Variants in IFTAP observed in about 807,000 individuals in gnomAD.
IFTAP encodes intraflagellar transport-associated protein.
In IFTAP, 19 loss-of-function variants were observed where a neutral mutation model predicts 19.4. The ratio of observed to expected loss-of-function variants is 0.98; its 90% confidence interval spans 0.68 to 1.44. IFTAP has a LOEUF of 1.44. IFTAP is among the 40% of genes most tolerant of loss of function. The pLI, the probability that IFTAP is intolerant of heterozygous loss-of-function variation, is 0.00. For synonymous variants in IFTAP, 85 were observed against 83.5 expected (o/e 1.02, Z -0.10); for missense variants, 240 against 253.6 (o/e 0.95, Z 0.36).
At chr11:36,608,592 A>G (rs16929138) in intron 1 of IFTAP, among the ~76,000 whole-genome samples, 14,505 of 152,270 alleles carry the variant, frequency 0.095, 846 homozygotes, top group African/African-American at 0.15. Context: ...ATGAAGTCCA[A>G]ACTGTGCTTG....
At chr11:36,619,075 T>C (rs1049221453) in intron 2 of IFTAP, among the ~76,000 whole-genome samples, 2 of 152,042 alleles carry the variant, frequency 1.3e-5, no homozygotes, top group Admixed American at 6.6e-5. Context: ...AGAGGCCAAG[T>C]GACTTCTTCA....
intron 5 of IFTAP, among the ~76,000 whole-genome samples, chr11:36,655,630 A>G (rs1464775252): frequency 1.3e-5 from 2 of 152,186 alleles, no homozygotes; most frequent in South Asian, 4.1e-4. Flanking sequence ...ACATTACAGT[A>G]TATCTCCAAA....
intron 4 of IFTAP, among the ~76,000 whole-genome samples, chr11:36,639,469 G>T (rs890025213): frequency 6.6e-6 from 1 of 152,110 alleles, no homozygotes; most frequent in Admixed American, 6.5e-5. Context: ...AATACCTGAG[G>T]CTGGGTAAAG....
At position 36,633,173 on chromosome 11, in the gene IFTAP, G is replaced by A. The variant is rs1460151053; in HGVS notation, c.137-111G>A. 12 of 1,068,830 alleles carry A rather than the reference G, an allele frequency of 1.1e-5. No homozygotes were observed. The East Asian group carries it at 1.3e-4, about 12-fold the overall frequency. 66.2% of individuals were successfully genotyped at this position (1,068,830 alleles called of 1,614,324 possible). A position where few individuals can be genotyped will look rare whatever the true frequency, so the allele number is the denominator to read the frequency against. On this transcript the variant is annotated intron_variant, in intron 2 of 5. Transcript: ENST00000334307. ...ATGCCTCAAGGGTTCGGTTTGTAGAGTTCTTTGAAAAGTATTCTTTTTCAT... is the reference window on the plus strand; with the variant it reads ...ATGCCTCAAGGGTTCGGTTTGTAGAATTCTTTGAAAAGTATTCTTTTTCAT...
intron 5 of IFTAP, among the ~76,000 whole-genome samples, chr11:36,649,340 C>T (rs1176775320): frequency 6.6e-6 from 1 of 152,130 alleles, no homozygotes. Context: ...CTGGTAGGGA[C>T]AGCCACTTTT....
chr11:36,630,321 A>G (rs1047325791), intron 2 of IFTAP, among the ~76,000 whole-genome samples: 1 of 151,480 alleles, frequency 6.6e-6, no homozygotes, highest in African/African-American at 2.5e-5. Flanking sequence ...GGGATATAGC[A>G]TATATTCTTG....
intron 4 of IFTAP, among the ~76,000 whole-genome samples, chr11:36,645,947 A>G (rs1853463883): frequency 6.6e-6 from 1 of 152,316 alleles, no homozygotes; most frequent in African/African-American, 2.4e-5. Context: ...TTCACTATGT[A>G]TAAGGTGCTA....
chr11:36,612,949 A>G (rs1426300380), intron 2 of IFTAP, among the ~76,000 whole-genome samples: 4 of 152,048 alleles, frequency 2.6e-5, no homozygotes, highest in African/African-American at 9.7e-5. Flanking sequence ...TATGTTGATT[A>G]CGTTTTGTGG....
rs191805712 is a variant in IFTAP at position 36,607,818 on chromosome 11, C to A, written c.-23-2263C>A. Among the ~76,000 whole-genome samples, 658 of 152,284 alleles carry A rather than the reference C, an allele frequency of 4.3e-3. 1 individual carries two copies. Among genetic ancestry groups the A allele is most frequent in the Non-Finnish European group, 6.9e-3 (472 of 68,026 alleles). Reference sequence around the variant, plus strand: ...CCTCCTGACTAGCTGGGATTATAGGCATGTGCCACCATGCCTGGCTAATTT... The same window carrying A: ...CCTCCTGACTAGCTGGGATTATAGGAATGTGCCACCATGCCTGGCTAATTT... On this transcript the variant is annotated intron_variant, in intron 1 of 5. Transcript: ENST00000334307.
intron 2 of IFTAP, among the ~76,000 whole-genome samples, chr11:36,632,829 G>T (rs1433199688): frequency 6.6e-6 from 1 of 151,058 alleles, no homozygotes; most frequent in Admixed American, 6.6e-5. Flanking sequence ...ATATTAGATA[G>T]CCACTGAAAA....
chr11:36,651,574 A>G (rs1253428372), intron 5 of IFTAP, among the ~76,000 whole-genome samples: 1 of 152,080 alleles, frequency 6.6e-6, no homozygotes, highest in Non-Finnish European at 1.5e-5. Context: ...CCATTTGTCA[A>G]TTTTGGCTTT....
intron 4 of IFTAP, among the ~76,000 whole-genome samples, chr11:36,636,786 G>A (rs763688607): frequency 7.9e-5 from 12 of 152,000 alleles, no homozygotes; most frequent in Admixed American, 2.0e-4. Context: ...CACATGGGCT[G>A]GATTGAAAAA....
intron 5 of IFTAP, among the ~76,000 whole-genome samples, chr11:36,651,409 T>G (rs1206082281): frequency 6.6e-6 from 1 of 152,240 alleles, no homozygotes; most frequent in Non-Finnish European, 1.5e-5. Flanking sequence ...GGTTGTTTTT[T>G]TCTTGTAAAT....
At position 36,652,823 on chromosome 11, in the gene IFTAP, A is replaced by C. The variant is rs75542258; in HGVS notation, c.498+4668A>C. Reference sequence around the variant, plus strand: ...CTATTGAGATAATCATGATTTTACCACTGGTTCTACACACATACATAATTG... The same window carrying C: ...CTATTGAGATAATCATGATTTTACCCCTGGTTCTACACACATACATAATTG... On this transcript the variant is annotated intron_variant, in intron 5 of 5. Coordinates refer to ENST00000334307, the MANE Select transcript of IFTAP (RefSeq NM_138787.4). Among the ~76,000 whole-genome samples, 586 of 151,650 alleles carry C rather than the reference A, an allele frequency of 3.9e-3. 3 individuals carry two copies. Among genetic ancestry groups the C allele is most frequent in the Non-Finnish European group, 6.3e-3 (426 of 67,768 alleles).
intron 2 of IFTAP, among the ~76,000 whole-genome samples, chr11:36,614,119 C>T (rs561611346): frequency 2.9e-3 from 424 of 148,566 alleles, no homozygotes; most frequent in African/African-American, 9.6e-3. Flanking sequence ...CTTCCTGTGT[C>T]CATGTGATCT....
intron 2 of IFTAP, among the ~76,000 whole-genome samples, chr11:36,619,386 A>C (rs903088617): frequency 7.2e-5 from 11 of 152,046 alleles, no homozygotes; most frequent in African/African-American, 2.7e-4. Flanking sequence ...TTAAATTTCC[A>C]TGAGGGTGCA....
chr11:36,624,814 C>T (rs1852447565), intron 2 of IFTAP, among the ~76,000 whole-genome samples: 1 of 151,654 alleles, frequency 6.6e-6, no homozygotes, highest in African/African-American at 2.4e-5. Context: ...AAGATAGAAG[C>T]CTGGGTCAGA....
chr11:36,629,905 A>G (rs1406569008), intron 2 of IFTAP, among the ~76,000 whole-genome samples: 1 of 151,448 alleles, frequency 6.6e-6, no homozygotes, highest in Non-Finnish European at 1.5e-5. Flanking sequence ...AAATGCCCAA[A>G]GAAACGCTTT....
At chr11:36,642,998 T>G (rs1853298932) in intron 4 of IFTAP, among the ~76,000 whole-genome samples, 1 of 152,188 alleles carries the variant, frequency 6.6e-6, no homozygotes, top group Admixed American at 6.5e-5. Context: ...GTGTTGGAAG[T>G]TCTGGCCAGG....
Sources: gnomAD v4.1 joint callset for allele counts (sites outside exome capture counted in the v4.1 genomes callset) on GRCh38, gnomAD v4.1.1 for gene constraint, MANE v1.5 for transcripts, NCBI Gene and HGNC (gene_info 2026-07-23, HGNC 2026-07-21) for gene names.